SOX6: variants seen among roughly 807,000 people sequenced by gnomAD.
The protein encoded by SOX6 is SRY-box transcription factor 6.
A neutral mutation model predicts 97.8 loss-of-function variants in SOX6; 11 were observed. The ratio of observed to expected loss-of-function variants is 0.11; its 90% CI spans 0.07 to 0.19. SOX6 has a LOEUF of 0.19. SOX6 is among the 10% of genes least tolerant of loss of function. The pLI is 1.00. For missense variants in SOX6, 810 were observed against 1,039.5 expected (o/e 0.78, Z 3.04); for synonymous variants, 360 against 371.4 (o/e 0.97, Z 0.35).
intron 7 of SOX6, among the ~76,000 whole-genome samples, chr11:16,103,481 G>A (rs1849000276): frequency 6.6e-6 from 1 of 151,868 alleles, no homozygotes; most frequent in Non-Finnish European, 1.5e-5. Flanking sequence ...AGAACTAAAA[G>A]TAGACCTACT....
chr11:15,981,622 C>T (rs1853659072), intron 15 of SOX6, among the ~76,000 whole-genome samples: 1 of 151,878 alleles, frequency 6.6e-6, no homozygotes, highest in African/African-American at 2.4e-5. Flanking sequence ...TGTTCTAATC[C>T]AGGGTCTTTA....
chr11:16,721,640 T>C (rs1848267881), intron 2 of SOX6, among the ~76,000 whole-genome samples: 1 of 132,388 alleles, frequency 7.6e-6, no homozygotes, highest in African/African-American at 2.8e-5. Context: ...TCTCTCTCTC[T>C]CTCTCTCTCC....
chr11:16,520,915 G>A (rs577556753), intron 4 of SOX6, among the ~76,000 whole-genome samples: 10 of 152,320 alleles, frequency 6.6e-5, no homozygotes, highest in East Asian at 1.9e-4. Flanking sequence ...AGGTGGCAGC[G>A]AGGCTGGGGG....
chr11:16,237,579 T>G (rs1853061770), intron 3 of SOX6, among the ~76,000 whole-genome samples: 1 of 151,756 alleles, frequency 6.6e-6, no homozygotes. Context: ...AAAATCAAAG[T>G]GGTAAAAATA....
intron 13 of SOX6, among the ~76,000 whole-genome samples, chr11:15,996,620 A>AAAAC (rs1021095091): frequency 6.6e-6 from 1 of 152,168 alleles, no homozygotes; most frequent in African/African-American, 2.4e-5. Flanking sequence ...CTCAAAACAA[A>AAAAC]AAACAAACAA....
At chr11:16,665,025 G>A (rs1159267052) in intron 3 of SOX6, among the ~76,000 whole-genome samples, 1 of 151,866 alleles carries the variant, frequency 6.6e-6, no homozygotes, top group African/African-American at 2.4e-5. Flanking sequence ...AAGAGCCCTT[G>A]GGCCTGAATA....
intron 4 of SOX6, among the ~76,000 whole-genome samples, chr11:16,604,349 G>A (rs1848307188): frequency 6.6e-6 from 1 of 152,202 alleles, no homozygotes; most frequent in Non-Finnish European, 1.5e-5. Flanking sequence ...TAAACTGGGC[G>A]GGGCTGTGTC....
At chr11:16,499,767 T>C (rs1372447052) in intron 4 of SOX6, among the ~76,000 whole-genome samples, 3 of 152,108 alleles carry the variant, frequency 2.0e-5, no homozygotes, top group Admixed American at 6.5e-5. Flanking sequence ...CAGGAAGAAG[T>C]TGAATCTCTG....
chr11:16,284,804 T>C (rs1854684473), intron 3 of SOX6, among the ~76,000 whole-genome samples: 1 of 152,184 alleles, frequency 6.6e-6, no homozygotes, highest in Admixed American at 6.5e-5. Context: ...CCTCTTCTGG[T>C]AAAGCTGTAT....
intron 4 of SOX6, among the ~76,000 whole-genome samples, chr11:16,498,550 T>C (rs1009302450): frequency 6.6e-6 from 1 of 152,032 alleles, no homozygotes; most frequent in African/African-American, 2.4e-5. Context: ...CAGTGTGCTG[T>C]ATTCAGGAAA....
At chr11:16,345,902 A>C (rs187477992) in intron 1 of SOX6, among the ~76,000 whole-genome samples, 2 of 152,162 alleles carry the variant, frequency 1.3e-5, no homozygotes, top group Admixed American at 6.6e-5. Flanking sequence ...AAGCTTACAT[A>C]ATTATCAAAA....
intron 1 of SOX6, among the ~76,000 whole-genome samples, chr11:16,352,716 T>G (rs1856981811): frequency 1.3e-5 from 2 of 152,124 alleles, no homozygotes; most frequent in African/African-American, 4.8e-5. Context: ...AATATTCTGG[T>G]TAGATATTCT....
chr11:16,278,374 T>A (rs754345619), intron 3 of SOX6, among the ~76,000 whole-genome samples: 1 of 152,168 alleles, frequency 6.6e-6, no homozygotes, highest in Non-Finnish European at 1.5e-5. Flanking sequence ...GAGTTTATTA[T>A]CCTATAAACA....
At chr11:16,119,584 T>A (rs1391507446) in intron 6 of SOX6, among the ~76,000 whole-genome samples, 1 of 152,200 alleles carries the variant, frequency 6.6e-6, no homozygotes, top group Non-Finnish European at 1.5e-5. Flanking sequence ...TTTCTATATA[T>A]CCTGTTGCTC....
rs1207065060 is a variant in SOX6 at position 16,300,674 on chromosome 11, G to A, written c.445+17772C>T. Among the ~76,000 whole-genome samples, 3 of 152,146 alleles carry A rather than the reference G, an allele frequency of 2.0e-5. No individual in the cohort carries two copies. The highest frequency in any genetic ancestry group is 1.3e-4 in the Admixed American group (2 of 15,270). On this transcript the variant is annotated intron_variant, in intron 3 of 15. Transcript: ENST00000683767. The surrounding 1 kb of genome is among the most constrained non-coding windows in gnomAD (Gnocchi z 4.1). ...CAGCAGGAATGGCAGAGCAAGTGGG[G>A]CTAACGAAAACTGAAGTTCATCACC... is the stretch of plus-strand genomic sequence containing the variant.
At chr11:16,540,790 A>AGGTTT (rs1160260409) in intron 4 of SOX6, among the ~76,000 whole-genome samples, 41 of 152,136 alleles carry the variant, frequency 2.7e-4, no homozygotes, top group African/African-American at 8.9e-4. Context: ...CTTCAAGGAG[A>AGGTTT]ACTACAAACC....
At chr11:16,500,802 A>T (rs1173486613) in intron 4 of SOX6, among the ~76,000 whole-genome samples, 2 of 152,210 alleles carry the variant, frequency 1.3e-5, no homozygotes, top group South Asian at 4.1e-4. Flanking sequence ...GCTCAATGAA[A>T]TAAAAGAGGA....
At chr11:16,660,351 AC>A (rs1395073222) in intron 3 of SOX6, among the ~76,000 whole-genome samples, 2 of 152,004 alleles carry the variant, frequency 1.3e-5, no homozygotes, top group African/African-American at 4.8e-5. Context: ...TGATTCTTTG[AC>A]CCATGTGTTA....
intron 6 of SOX6, among the ~76,000 whole-genome samples, chr11:16,178,748 G>A (rs1317877197): frequency 6.6e-6 from 1 of 151,832 alleles, no homozygotes; most frequent in Non-Finnish European, 1.5e-5. Flanking sequence ...TACAAAAAAC[G>A]ACTATTTGCC....
Sources: allele counts gnomAD v4.1 joint callset (sites outside exome capture counted in the v4.1 genomes callset), GRCh38; gene constraint gnomAD v4.1.1; non-coding constraint Gnocchi (gnomAD v3.1); transcripts MANE v1.5; gene names NCBI Gene and HGNC (gene_info 2026-07-23, HGNC 2026-07-21).